NFATC3: variants seen among roughly 807,000 people sequenced by gnomAD.
NFATC3 encodes the protein nuclear factor of activated T cells 3.
A neutral mutation model predicts 98.6 loss-of-function variants in NFATC3; 46 were observed. That is an observed-to-expected ratio of 0.47 (90% confidence interval 0.37 to 0.60). The LOEUF is 0.60. NFATC3 is among the 20% of genes least tolerant of loss of function. The pLI is 0.00. For synonymous variants in NFATC3, 512 were observed against 472.2 expected, an observed-to-expected ratio of 1.08 and a Z score of -1.09; for missense variants, 1,256 against 1,295.5, an observed-to-expected ratio of 0.97 and a Z score of 0.47.
chr16:68,202,082 A>G (rs1012001307), intron 9 of NFATC3, among the ~76,000 whole-genome samples: 7 of 151,916 alleles, frequency 4.6e-5, no homozygotes, highest in African/African-American at 1.7e-4. Flanking sequence ...ACTTTCCATT[A>G]AAGTCCCTCA....
At position 68,190,782 on chromosome 16, in the gene NFATC3, G is replaced by A; in HGVS notation, c.2113G>A (p.Glu705Lys). 6.2e-7 allele frequency: 1 copy of A among 1,601,458 alleles called. No individual in the cohort carries two copies. The highest frequency in any genetic ancestry group is 8.5e-7 in the Non-Finnish European group (1 of 1,172,550). ...TTTCTTTTCAGTTTTGATGAAGCAA[G>A]AACACAGAGAAGAGATTGATTTGTC... is the stretch of plus-strand genomic sequence containing the variant. The part of the protein sequence containing the change: ...FTYTPVLMKQ[E>K]HREEIDLSSV... Residue 705 changes from glutamate (E) to lysine (K), a missense_variant, in exon 9 of 10, where the codon GAA becomes AAA. By Grantham distance (56) the Glu-to-Lys change is moderately conservative (BLOSUM62 1). Around this residue, in one of 3 missense-constraint regions of NFATC3, gnomAD observed 636 missense variants for 617.3 expected, o/e 1.03. Transcript: ENST00000346183.
At chr16:68,111,440 C>T (rs2035940931) in intron 1 of NFATC3, among the ~76,000 whole-genome samples, 1 of 152,144 alleles carries the variant, frequency 6.6e-6, no homozygotes, top group South Asian at 2.1e-4. Flanking sequence ...ACTAGGATTG[C>T]AACCCCTGCT....
intron 1 of NFATC3, among the ~76,000 whole-genome samples, chr16:68,092,390 T>C (rs2034762819): frequency 6.6e-6 from 1 of 150,634 alleles, no homozygotes; most frequent in Admixed American, 6.6e-5. Context: ...GAGGTGGAGG[T>C]TGCAGTGAGC....
In NFATC3 at chr16:68,226,753, C is replaced by G. The variant is rs1410290119; in HGVS notation, c.*282C>G. On this transcript the variant is annotated 3_prime_UTR_variant, in exon 10 of 10. Transcript: ENST00000346183. ...TTTGAGTGTGAATGCAGCAGGCTCT[C>G]TTGTTTCCGAGGTGCTGCTTTTGCA... 8.3e-6 allele frequency: 2 copies of G among 239,742 alleles called. No individual in the cohort carries two copies. The highest frequency in any genetic ancestry group is 1.6e-5 in the Non-Finnish European group (2 of 125,700). 14.9% of individuals were successfully genotyped at this position (239,742 alleles called of 1,614,324 possible).
intron 3 of NFATC3, among the ~76,000 whole-genome samples, chr16:68,130,158 G>GATAT (rs932986841): frequency 1.1e-4 from 16 of 152,112 alleles, no homozygotes; most frequent in African/African-American, 3.9e-4. Context: ...ATTTCTTTTG[G>GATAT]ATATATACCC....
intron 9 of NFATC3, chr16:68,218,186 C>G (rs1377711939): frequency 3.8e-6 from 1 of 262,318 alleles, no homozygotes; most frequent in African/African-American, 2.3e-5. Context: ...TCTCAACCTC[C>G]CAAAGTGCTG....
intron 9 of NFATC3, among the ~76,000 whole-genome samples, chr16:68,204,415 A>G (rs943921851): frequency 6.6e-6 from 1 of 151,932 alleles, no homozygotes; most frequent in Non-Finnish European, 1.5e-5. Context: ...ATAAACTCAT[A>G]TTTTTTTTGA....
intron 9 of NFATC3, among the ~76,000 whole-genome samples, chr16:68,203,112 T>C (rs1213336803): frequency 6.6e-6 from 1 of 152,148 alleles, no homozygotes; most frequent in Non-Finnish European, 1.5e-5. Context: ...TTATGCGAGA[T>C]GGACCATGAT....
intron 9 of NFATC3, chr16:68,217,912 G>T (rs1262933471): frequency 1.6e-6 from 2 of 1,225,822 alleles, no homozygotes; most frequent in Admixed American, 8.5e-5. Flanking sequence ...CTCTGTAGCT[G>T]GGTGTCAGTG....
intron 1 of NFATC3, among the ~76,000 whole-genome samples, chr16:68,104,480 C>T (rs2035535492): frequency 6.6e-6 from 1 of 152,022 alleles, no homozygotes; most frequent in African/African-American, 2.4e-5. Flanking sequence ...AATAGTTTTA[C>T]TTCTTCCTTT....
chr16:68,215,277 G>A (rs1043590605), intron 9 of NFATC3, among the ~76,000 whole-genome samples: 3 of 152,118 alleles, frequency 2.0e-5, no homozygotes, highest in Admixed American at 6.6e-5. Flanking sequence ...CATCATTCTT[G>A]TCCAACCATG....
intron 5 of NFATC3, among the ~76,000 whole-genome samples, chr16:68,168,937 A>G (rs1278421837): frequency 6.6e-6 from 1 of 152,114 alleles, no homozygotes; most frequent in Non-Finnish European, 1.5e-5. Context: ...TAATTTTTGT[A>G]TTTTTAAAAT....
rs189569512 is a variant in NFATC3, at chr16:68,106,650, T to C, written c.104-15337T>C. ...CATGTTGGCTGGGCTGGTCTTGAAC[T>C]TCTGACCTCAGGTGATCTGTCCACC... On this transcript the variant is annotated intron_variant, in intron 1 of 9. Transcript: ENST00000346183. Among the ~76,000 whole-genome samples the C allele has an allele frequency of 1.7e-3, 253 of 152,188 alleles. 1 individual carries two copies. Among genetic ancestry groups the C allele is most frequent in the Admixed American group, 2.9e-3 (44 of 15,276 alleles).
intron 3 of NFATC3, among the ~76,000 whole-genome samples, chr16:68,133,063 C>T (rs1268412973): frequency 3.9e-5 from 6 of 152,004 alleles, no homozygotes; most frequent in Non-Finnish European, 7.4e-5. Context: ...GTCAGGAGTT[C>T]GAGAACAGCC....
chr16:68,219,288 CAGG>C (rs1339821375), intron 9 of NFATC3, among the ~76,000 whole-genome samples: 1 of 151,942 alleles, frequency 6.6e-6, no homozygotes, highest in Non-Finnish European at 1.5e-5. Context: ...GAGGCTGGGG[CAGG>C]AGAATTGCTT....
At chr16:68,183,669 G>A (rs1465280478) in intron 8 of NFATC3, among the ~76,000 whole-genome samples, 1 of 152,066 alleles carries the variant, frequency 6.6e-6, no homozygotes, top group Non-Finnish European at 1.5e-5. Flanking sequence ...GTATGTGTGT[G>A]GTTCTGGGTC....
intron 9 of NFATC3, chr16:68,221,077 C>G (rs1598630622): frequency 1.8e-6 from 2 of 1,088,424 alleles, no homozygotes; most frequent in African/African-American, 1.6e-5. Flanking sequence ...TTAGCAAATT[C>G]ATGCATATAT....
At chr16:68,196,170 A>G (rs2151124217) in intron 9 of NFATC3, among the ~76,000 whole-genome samples, 1 of 152,214 alleles carries the variant, frequency 6.6e-6, no homozygotes, top group East Asian at 1.9e-4. Context: ...CCCAGGCTGG[A>G]GTGCAGTGGC....
At chr16:68,142,306 C>T (rs1567518026) in intron 3 of NFATC3, among the ~76,000 whole-genome samples, 1 of 152,048 alleles carries the variant, frequency 6.6e-6, no homozygotes. Flanking sequence ...TGTGTAAGTA[C>T]ACTTCTAGGT....
Sources: gnomAD v4.1 joint callset for allele counts (sites outside exome capture counted in the v4.1 genomes callset) on GRCh38, gnomAD v4.1.1 for gene constraint, gnomAD v4.1.1 regional missense constraint, MANE v1.5 for transcripts, NCBI Gene and HGNC (gene_info 2026-07-23, HGNC 2026-07-21) for gene names.